Variants in TNR observed in about 807,000 individuals in gnomAD.
TNR encodes the protein tenascin-R.
Under a neutral mutation model 150.4 loss-of-function variants are expected in TNR, and 45 were observed. That is an observed-to-expected ratio of 0.30 (90% CI 0.24 to 0.38). The LOEUF (loss-of-function observed/expected upper bound fraction) is 0.38. TNR is among the 10% of genes least tolerant of loss of function. TNR has a pLI of 1.00. For synonymous variants in TNR, 687 were observed against 678.4 expected (o/e 1.01, Z -0.20); for missense variants, 1,544 against 1,759.1 (o/e 0.88, Z 2.19).
At chr1:175,369,708 G>A (rs929564262) in intron 9 of TNR, among the ~76,000 whole-genome samples, 10 of 152,148 alleles carry the variant, frequency 6.6e-5, no homozygotes, top group Admixed American at 1.3e-4. Flanking sequence ...CTTTTAGGAG[G>A]AATGGGACAT....
At chr1:175,519,251 A>G (rs1659535323) in intron 2 of TNR, among the ~76,000 whole-genome samples, 1 of 152,160 alleles carries the variant, frequency 6.6e-6, no homozygotes, top group Admixed American at 6.5e-5. Context: ...AGACCATACT[A>G]ATATAACTGC....
At chr1:175,612,450 T>A (rs7518320) in intron 1 of TNR, among the ~76,000 whole-genome samples, 1 of 152,098 alleles carries the variant, frequency 6.6e-6, no homozygotes, top group Non-Finnish European at 1.5e-5. Context: ...GGCAATGACC[T>A]TCTATTTCAG....
intron 1 of TNR, among the ~76,000 whole-genome samples, chr1:175,578,546 C>G (rs73048391): frequency 7.2e-5 from 11 of 151,920 alleles, no homozygotes; most frequent in African/African-American, 2.7e-4. Context: ...TTACCTAGAT[C>G]GATGCAGGAA....
At chr1:175,539,376 G>C (rs894586745) in intron 1 of TNR, among the ~76,000 whole-genome samples, 4 of 152,190 alleles carry the variant, frequency 2.6e-5, no homozygotes, top group African/African-American at 4.8e-5. Context: ...TGTCCACATG[G>C]TTTTGCATCA....
At chr1:175,666,643 C>T (rs59895252) in intron 1 of TNR, among the ~76,000 whole-genome samples, 5,321 of 152,342 alleles carry the variant, frequency 0.035, 251 homozygotes, top group African/African-American at 0.11. Flanking sequence ...TGGCTGGACC[C>T]GGGGTTGCCC....
intron 1 of TNR, among the ~76,000 whole-genome samples, chr1:175,650,596 A>G (rs1664930523): frequency 6.6e-6 from 1 of 151,088 alleles, no homozygotes; most frequent in Non-Finnish European, 1.5e-5. Flanking sequence ...CAAGATTACT[A>G]AACTTTCCCT....
At chr1:175,566,873 T>G (rs1460193858) in intron 1 of TNR, among the ~76,000 whole-genome samples, 1 of 152,248 alleles carries the variant, frequency 6.6e-6, no homozygotes, top group East Asian at 1.9e-4. Flanking sequence ...CCTAGACTGT[T>G]ACTTTTCAAA....
intron 3 of TNR, among the ~76,000 whole-genome samples, chr1:175,404,326 A>T (rs183257416): frequency 4.6e-5 from 7 of 151,844 alleles, no homozygotes; most frequent in Admixed American, 4.6e-4. Flanking sequence ...CTGCCATCTG[A>T]CTCACTCTGC....
intron 1 of TNR, among the ~76,000 whole-genome samples, chr1:175,623,931 T>C (rs553455856): frequency 1.3e-5 from 2 of 152,364 alleles, no homozygotes; most frequent in South Asian, 2.1e-4. Context: ...GTTTCCTCTA[T>C]GCTACCCTGG....
chr1:175,632,498 C>A lies in TNR; in HGVS notation c.-164-104129G>T, dbSNP rs540070856. On this transcript the variant is annotated intron_variant, in intron 1 of 22. Transcript: ENST00000367674. ...GTCTATATGGGTAGACAAGGCTAAA[C>A]AACAAAACTATCTGAGATTTGAAAA... 2.0e-3 allele frequency among the ~76,000 whole-genome samples: 303 copies of A among 152,264 alleles called. 2 individuals are homozygous for A. The highest frequency in any genetic ancestry group is 3.6e-3 in the Non-Finnish European group (245 of 68,010).
At chr1:175,429,915 T>C (rs1176811890) in intron 2 of TNR, among the ~76,000 whole-genome samples, 2 of 152,114 alleles carry the variant, frequency 1.3e-5, no homozygotes, top group African/African-American at 2.4e-5. Flanking sequence ...TTTTCCCTCA[T>C]GACAGACATT....
At chr1:175,419,639 G>C (rs1053199350) in intron 2 of TNR, among the ~76,000 whole-genome samples, 7 of 151,976 alleles carry the variant, frequency 4.6e-5, no homozygotes, top group African/African-American at 1.7e-4. Context: ...CCACCACCAC[G>C]CCCGGCTAAT....
chr1:175,367,997 C>G (rs1271549582), intron 9 of TNR, among the ~76,000 whole-genome samples: 1 of 152,134 alleles, frequency 6.6e-6, no homozygotes, highest in African/African-American at 2.4e-5. Flanking sequence ...AGGGTGTAAG[C>G]TTCTCTGAGG....
intron 1 of TNR, among the ~76,000 whole-genome samples, chr1:175,694,519 A>G (rs921895969): frequency 6.6e-6 from 1 of 152,252 alleles, no homozygotes; most frequent in Non-Finnish European, 1.5e-5. Flanking sequence ...AAATGCAAAT[A>G]GTGCCACCCC....
chr1:175,386,373 T>C (rs967228220), intron 7 of TNR, 72 bp from the exon 8 acceptor site: 1 of 1,450,106 alleles, frequency 6.9e-7, no homozygotes, highest in African/African-American at 1.4e-5. Context: ...CTCTCTCTTT[T>C]CCTCCTTATG....
At chr1:175,448,885 C>G (rs6701695) in intron 2 of TNR, among the ~76,000 whole-genome samples, 60,393 of 152,044 alleles carry the variant, frequency 0.4, 14,081 homozygotes, top group African/African-American at 0.64. Flanking sequence ...TGCCAAAAAA[C>G]AGGTCTGGTC....
intron 2 of TNR, among the ~76,000 whole-genome samples, chr1:175,439,292 C>T (rs1267688098): frequency 6.6e-6 from 1 of 151,912 alleles, no homozygotes; most frequent in African/African-American, 2.4e-5. Context: ...CCCTATTTAA[C>T]AAATGGTGCT....
At chr1:175,572,584 T>G (rs1661922885) in intron 1 of TNR, among the ~76,000 whole-genome samples, 1 of 152,048 alleles carries the variant, frequency 6.6e-6, no homozygotes, top group South Asian at 2.1e-4. Context: ...ATCTGTGGTG[T>G]TTGTGTTTAG....
At chr1:175,680,725 A>G (rs1666009148) in intron 1 of TNR, among the ~76,000 whole-genome samples, 1 of 152,178 alleles carries the variant, frequency 6.6e-6, no homozygotes, top group Non-Finnish European at 1.5e-5. Flanking sequence ...CACAGAGATG[A>G]CAGTGAGTTA....
Sources: allele counts gnomAD v4.1 joint callset (sites outside exome capture counted in the v4.1 genomes callset), GRCh38; gene constraint gnomAD v4.1.1; transcripts MANE v1.5; gene names NCBI Gene and HGNC (gene_info 2026-07-23, HGNC 2026-07-21).